The following APBA3 variants were observed in gnomAD, a reference collection of about 807,000 sequenced individuals.
APBA3 encodes the protein amyloid beta precursor protein binding family A member 3.
Under a neutral mutation model 55.9 loss-of-function variants are expected in APBA3, and 45 were observed. The observed-to-expected ratio is 0.80, with a 90% CI of 0.63 to 1.03. The LOEUF is 1.03. Ranked by LOEUF, APBA3 falls within the 50% of genes least tolerant of loss-of-function variation. APBA3 has a pLI of 0.00. For synonymous variants in APBA3, 370 were observed against 353.3 expected (o/e 1.05, Z -0.53); for missense variants, 865 against 820.3 (o/e 1.05, Z -0.67).
At chr19:3,757,792 G>A (rs1328656596) in intron 3 of APBA3, among the ~76,000 whole-genome samples, 1 of 152,180 alleles carries the variant, frequency 6.6e-6, no homozygotes, top group Non-Finnish European at 1.5e-5. Context: ...GGGCCAAAGA[G>A]TAAATATTTT....
At chr19:3,752,248 TAGAG>T (rs1178631174) in intron 8 of APBA3, among the ~76,000 whole-genome samples, 10 of 151,862 alleles carry the variant, frequency 6.6e-5, no homozygotes, top group African/African-American at 2.2e-4. Flanking sequence ...TGTTTCTTGT[TAGAG>T]AGAGAGAGTG....
rs762233669 is a variant in APBA3 at position 3,753,839 on chromosome 19, C to G, written c.937G>C (p.Ala313Pro). Residue 313 changes from alanine (A) to proline (P), a missense_variant, in exon 6 of 11, where the codon GCA becomes CCA. By Grantham distance (27) the Ala-to-Pro change is conservative. Transcript: ENST00000316757. Reference sequence around the variant, plus strand: ...TGGTCCTGGGGTGCCGGCCTCCGTGCCAGCCGCCGCCGCGCCATCAGCACC... The same window carrying G: ...TGGTCCTGGGGTGCCGGCCTCCGTGGCAGCCGCCGCCGCGCCATCAGCACC... ...VLVLMARRRL[A>P]RRPAPQDHGR... 5 of 1,570,204 alleles carry G rather than the reference C, an allele frequency of 3.2e-6. No homozygotes were observed. The highest frequency in any genetic ancestry group is 4.3e-6 in the Non-Finnish European group (5 of 1,159,620).
intron 3 of APBA3, 132 bp from the exon 4 acceptor site, chr19:3,754,472 G>A: frequency 2.4e-6 from 3 of 1,240,588 alleles, no homozygotes; most frequent in Non-Finnish European, 2.2e-6. Flanking sequence ...CAGCCAGGAA[G>A]CACAGCCCAC....
intron 3 of APBA3, 83 bp from the exon 4 acceptor site, chr19:3,754,423 CG>C: frequency 6.7e-7 from 1 of 1,492,124 alleles, no homozygotes; most frequent in Non-Finnish European, 8.9e-7. Context: ...CCGAGATGGC[CG>C]GGAGACACAG....
At chr19:3,758,020 C>T (rs151251047) in intron 3 of APBA3, among the ~76,000 whole-genome samples, 2,516 of 152,014 alleles carry the variant, frequency 0.017, 71 homozygotes, top group African/African-American at 0.055. Context: ...CCGCAACCTC[C>T]GCCTCCCGGG....
chr19:3,751,374 AG>A, intron 9 of APBA3, 45 bp from the exon 10 acceptor site: 3 of 1,515,812 alleles, frequency 2.0e-6, no homozygotes, highest in South Asian at 1.2e-5. Context: ...GGGGCTGCTC[AG>A]GGGCCGTGCT....
In APBA3 at chr19:3,752,921, C is replaced by T. The variant is rs750541356; in HGVS notation, c.1081G>A (p.Gly361Ser). The part of the protein sequence containing the change: ...AAYSQFLRES[G>S]IDPSQVGVHP... ...ACGCCCACCTGGCTGGGGTCAATAC[C>T]GCTTTCCCGTAGGAACTGGCTGTAG... Residue 361 changes from glycine (G) to serine (S), a missense_variant, in exon 7 of 11, where the codon GGT becomes AGT. By Grantham distance (56) the Gly-to-Ser change is moderately conservative. Coordinates refer to ENST00000316757, the MANE Select transcript of APBA3 (RefSeq NM_004886.4). 1.5e-5 allele frequency: 24 copies of T among 1,613,430 alleles called. No homozygotes were observed. In the Admixed American group the frequency reaches 2.0e-4, roughly 13 times the overall value.
Position 3,752,532 on chromosome 19 carries a change from CA to C in APBA3, c.1370del (p.Leu457ArgfsTer17), listed in dbSNP as rs767146865. ...INGTSLVGLP[L>X]AACQAAVRET... ...CGCGGACAGCGGCCTGGCACGCAGCCAGGGGCAGCCCCACCAGGCTGGTCCC... is the reference window on the plus strand; with the variant it reads ...CGCGGACAGCGGCCTGGCACGCAGCCGGGGCAGCCCCACCAGGCTGGTCCC... On this transcript the variant is annotated frameshift_variant, in exon 8 of 11. Transcript: ENST00000316757. LOFTEE classifies it high-confidence loss of function. 2.1e-5 allele frequency: 34 copies of C among 1,585,248 alleles called. No individual in the cohort carries two copies. The highest frequency in any genetic ancestry group is 6.8e-5 in the East Asian group (3 of 44,018).
Position 3,759,703 on chromosome 19 carries a change from G to A in APBA3, c.562C>T (p.Pro188Ser). Residue 188 changes from proline (P) to serine (S), a missense_variant, in exon 2 of 11, where the codon CCC (proline) becomes TCC (serine). Transcript: ENST00000316757. Reference protein sequence around the residue: ...TVPLVTPEEPPAGAQSPETLA... With the variant: ...TVPLVTPEEPSAGAQSPETLA... The stretch of plus-strand genomic sequence containing the variant: ...GCGGGCACTACCTGGGCACCAGCGG[G>A]TGGCTCTTCAGGTGTGACTAGAGGC... The A allele has an allele frequency of 6.2e-7, 1 of 1,612,178 alleles. No homozygotes were observed. Among genetic ancestry groups the A allele is most frequent in the Non-Finnish European group, 8.5e-7 (1 of 1,179,608 alleles).
At chr19:3,754,377 C>A (rs1471310897) in intron 3 of APBA3, 37 bp from the exon 4 acceptor site, 1 of 1,533,650 alleles carries the variant, frequency 6.5e-7, no homozygotes, top group Admixed American at 2.3e-5. Flanking sequence ...CCCCCAGGGG[C>A]CCACTCCCAC....
intron 1 of APBA3, among the ~76,000 whole-genome samples, chr19:3,760,623 C>A (rs1305872935): frequency 1.3e-5 from 2 of 152,044 alleles, no homozygotes; most frequent in African/African-American, 4.8e-5. Flanking sequence ...GTGGCAGGCA[C>A]CTGTAATCCC....
Position 3,751,455 on chromosome 19 carries a change from GC to G in APBA3, c.1493del (p.Gly498AlafsTer119). On this transcript the variant is annotated frameshift_variant, in exon 9 of 11. Coordinates refer to ENST00000316757, the MANE Select transcript of APBA3 (RefSeq NM_004886.4). LOFTEE classifies it high-confidence loss of function. ...IHRPHAREQL[G>X]FCVEDGIICS... ...TCACGATGCCGTCCTCCACGCAGAA[GC>G]CCAGCTGCTCGCGGGCGTGGGGCCG... 6.5e-7 allele frequency: 1 copy of G among 1,547,250 alleles called. No homozygotes were observed.
chr19:3,759,850 A>G lies in APBA3; in HGVS notation c.415T>C (p.Leu139=). ...EEPLEPAPRL[L]QPPEDPDEDS... ...TCATCTGGGTCCTCAGGGGGCTGCA[A>G]CAGTCGGGGGGCAGGCTCTAGAGGC... Residue 139 remains leucine (L), a synonymous_variant, in exon 2 of 11, where the codon TTG becomes CTG. Coordinates refer to ENST00000316757, the MANE Select transcript of APBA3 (RefSeq NM_004886.4). The G allele has an allele frequency of 6.2e-7, 1 of 1,612,522 alleles. No individual in the cohort carries two copies. The highest frequency in any genetic ancestry group is 8.5e-7 in the Non-Finnish European group (1 of 1,179,816).
intron 9 of APBA3, 23 bp from the exon 10 acceptor site, chr19:3,751,352 G>C: frequency 6.6e-7 from 1 of 1,521,734 alleles, no homozygotes; most frequent in African/African-American, 1.4e-5. Context: ...AGAGGGGGAC[G>C]GGAAAGAGGT....
Position 3,750,890 on chromosome 19 carries a change from A to T in APBA3, c.*136T>A. 1 of 1,165,500 alleles carries T rather than the reference A, an allele frequency of 8.6e-7. No individual in the cohort carries two copies. The highest frequency in any genetic ancestry group is 1.2e-6 in the Non-Finnish European group (1 of 801,248). The allele number at this position is 1,165,500 out of a possible 1,614,324, so 72.2% of individuals were successfully genotyped here. On this transcript the variant is annotated 3_prime_UTR_variant, in exon 11 of 11. Transcript: ENST00000316757. ...TGATCCGAGACTTTGCCAAATGCATAAGCTTTTACTGTTTTTATATTAGGA... is the reference window on the plus strand; with the variant it reads ...TGATCCGAGACTTTGCCAAATGCATTAGCTTTTACTGTTTTTATATTAGGA...
chr19:3,751,573 G>T lies in APBA3; in HGVS notation c.1396-20C>A. 6.4e-7 allele frequency: 1 copy of T among 1,573,548 alleles called. No individual in the cohort carries two copies. Among genetic ancestry groups the T allele is most frequent in the Non-Finnish European group, 8.6e-7 (1 of 1,165,966 alleles). ...CGTCTCCTGTGGGGCGGGGGCCGTT[G>T]GCCTCACTCAGCTGCCGGACAGCCT... is the stretch of plus-strand genomic sequence containing the variant. On this transcript the variant is annotated intron_variant, in intron 8 of 10. Transcript: ENST00000316757.
At chr19:3,752,484 G>A (rs1215421242) in intron 8 of APBA3, 24 bp downstream of exon 8, 2 of 1,538,078 alleles carry the variant, frequency 1.3e-6, no homozygotes, top group South Asian at 1.2e-5. Flanking sequence ...GAGTGTGGGG[G>A]CCCTGCCACA....
At position 3,760,291 on chromosome 19, in the gene APBA3, T is replaced by C; in HGVS notation, c.-27A>G. 1.3e-6 allele frequency: 2 copies of C among 1,559,308 alleles called. No homozygotes were observed. Among genetic ancestry groups the C allele is most frequent in the Non-Finnish European group, 1.7e-6 (2 of 1,162,186 alleles). ...CCTGGACTCCAGGCTTAGGCCGGCA[T>C]CTTCAGGCAGCTGAAAGAGAGAGAG... On this transcript the variant is annotated 5_prime_UTR_variant, in exon 2 of 11. The change abolishes an upstream ATG in the 5' untranslated region. Coordinates refer to ENST00000316757, the MANE Select transcript of APBA3 (RefSeq NM_004886.4).
chr19:3,759,952 C>A lies in APBA3; in HGVS notation c.313G>T (p.Ala105Ser), dbSNP rs1307360634. 1 of 1,609,900 alleles carries A rather than the reference C, an allele frequency of 6.2e-7. No homozygotes were observed. Among genetic ancestry groups the A allele is most frequent in the Non-Finnish European group, 8.5e-7 (1 of 1,179,052 alleles). ...AGCAGGTCATCCCGGCCAGCTTCGG[C>A]AGACAGGAGCCCGTGGGCATCAGCA... The part of the protein sequence containing the change: ...EIADAHGLLS[A>S]EAGRDDLLGL... Residue 105 changes from alanine to serine, a missense_variant, in exon 2 of 11, where the codon GCC (alanine) becomes TCC (serine). Physicochemically the swap from Ala to Ser is moderately conservative, Grantham distance 99. Coordinates refer to ENST00000316757, the MANE Select transcript of APBA3 (RefSeq NM_004886.4).
Sources: allele counts gnomAD v4.1 joint callset (sites outside exome capture counted in the v4.1 genomes callset), GRCh38; gene constraint gnomAD v4.1.1; transcripts MANE v1.5; gene names NCBI Gene and HGNC (gene_info 2026-07-23, HGNC 2026-07-21).